Variants in PRTG observed in about 807,000 individuals in gnomAD.
The protein encoded by PRTG is immunoglobulin superfamily, DCC subclass, member 5.
Under a neutral mutation model 122.5 loss-of-function variants are expected in PRTG, and 67 were observed. The observed-to-expected ratio is 0.55, with a 90% CI of 0.45 to 0.67. The LOEUF (loss-of-function observed/expected upper bound fraction) is 0.67. PRTG is among the 30% of genes least tolerant of loss of function. The pLI, the probability that PRTG is intolerant of heterozygous loss-of-function variation, is 0.00. For synonymous variants in PRTG, 554 were observed against 501.1 expected, an observed-to-expected ratio of 1.11 and a Z score of -1.41; for missense variants, 1,435 against 1,415.4, an observed-to-expected ratio of 1.01 and a Z score of -0.22.
chr15:55,726,450 C>T (rs1390422256), intron 2 of PRTG, among the ~76,000 whole-genome samples: 1 of 151,886 alleles, frequency 6.6e-6, no homozygotes, highest in Non-Finnish European at 1.5e-5. Flanking sequence ...TGGTAAGTAA[C>T]CAAGAGAGCT....
intron 18 of PRTG, among the ~76,000 whole-genome samples, chr15:55,621,872 T>C (rs1379192399): frequency 2.0e-5 from 3 of 152,218 alleles, no homozygotes; most frequent in African/African-American, 7.2e-5. Flanking sequence ...ACTATGATAT[T>C]AACAATTATT....
intron 14 of PRTG, among the ~76,000 whole-genome samples, chr15:55,637,794 T>C (rs1023023962): frequency 6.6e-6 from 1 of 152,124 alleles, no homozygotes; most frequent in Non-Finnish European, 1.5e-5. Context: ...AAATTGTGAA[T>C]CAGTGAATTT....
chr15:55,694,031 T>A (rs1399176749), intron 2 of PRTG, among the ~76,000 whole-genome samples: 1 of 152,172 alleles, frequency 6.6e-6, no homozygotes, highest in Non-Finnish European at 1.5e-5. Context: ...TGCATAAAGG[T>A]ATATAAACTA....
chr15:55,667,636 A>T (rs927164143), intron 11 of PRTG, among the ~76,000 whole-genome samples: 1 of 152,204 alleles, frequency 6.6e-6, no homozygotes, highest in Non-Finnish European at 1.5e-5. Context: ...GAAGAAAGTG[A>T]AATACGATAG....
Position 55,627,005 on chromosome 15 carries a change from C to T in PRTG, c.2927+3G>A, listed in dbSNP as rs1281235637. On this transcript the variant is annotated splice_donor_region_variant and intron_variant, in intron 17 of 19. Transcript: ENST00000389286. ...CTCAACATCTCTAGCAATGGAAACA[C>T]ACCTGGCTTTACTTCGGTATATCAA... 3 of 1,601,388 alleles carry T rather than the reference C, an allele frequency of 1.9e-6. No homozygotes were observed. The highest frequency in any genetic ancestry group is 4.5e-5 in the East Asian group (2 of 44,408).
intron 15 of PRTG, among the ~76,000 whole-genome samples, chr15:55,629,371 ATATATG>A (rs1425250040): frequency 0.028 from 970 of 35,246 alleles, 7 homozygotes; most frequent in African/African-American, 0.039. Flanking sequence ...ATATATATAT[ATATATG>A]TGTGTGTGTG....
chr15:55,641,152 A>G lies in PRTG; in HGVS notation c.2098T>C (p.Tyr700His). ...LLAYNNIDDG[Y>H]QADQTVSTPG... ...GTGCTGACAGTCTGATCTGCCTGATAGCCATCGTCTATGTTGTTGTAAGCC... is the reference window on the plus strand; with the variant it reads ...GTGCTGACAGTCTGATCTGCCTGATGGCCATCGTCTATGTTGTTGTAAGCC... The change falls in exon 12 of 20, where the codon TAT becomes CAT. Residue 700 changes from tyrosine to histidine, a missense_variant. Transcript: ENST00000389286. 6.2e-7 allele frequency: 1 copy of G among 1,614,090 alleles called. No homozygotes were observed. The highest frequency in any genetic ancestry group is 8.5e-7 in the Non-Finnish European group (1 of 1,179,954).
chr15:55,627,851 T>C (rs16976434), intron 16 of PRTG, among the ~76,000 whole-genome samples: 11,053 of 152,192 alleles, frequency 0.073, 498 homozygotes, highest in Non-Finnish European at 0.11. Flanking sequence ...TTCATGTGCC[T>C]GTGAGTCACT....
intron 4 of PRTG, chr15:55,681,311 T>C (rs2059536676): frequency 6.6e-6 from 1 of 152,056 alleles, no homozygotes; most frequent in Non-Finnish European, 1.5e-5. Context: ...TTTCTTCTTT[T>C]TTCAGCCTTA....
intron 2 of PRTG, among the ~76,000 whole-genome samples, chr15:55,732,174 G>A (rs1278517079): frequency 2.0e-5 from 3 of 152,144 alleles, no homozygotes; most frequent in Middle Eastern, 3.2e-3. Context: ...TTGTTACACT[G>A]CACATGACTA....
chr15:55,706,375 T>C (rs968066423), intron 2 of PRTG, among the ~76,000 whole-genome samples: 3 of 151,680 alleles, frequency 2.0e-5, no homozygotes, highest in South Asian at 2.1e-4. Context: ...AGGTGGAACA[T>C]GGGTAAAGGC....
chr15:55,675,928 C>A (rs2059500125), intron 8 of PRTG, among the ~76,000 whole-genome samples: 1 of 152,120 alleles, frequency 6.6e-6, no homozygotes, highest in Admixed American at 6.6e-5. Flanking sequence ...CTCTAAACTT[C>A]ATTTACCATC....
chr15:55,630,616 T>A (rs971828047), intron 15 of PRTG, among the ~76,000 whole-genome samples: 1 of 152,216 alleles, frequency 6.6e-6, no homozygotes, highest in African/African-American at 2.4e-5. Context: ...TAAAGGTATT[T>A]TCTCTGTTGC....
Position 55,613,809 on chromosome 15 carries a change from T to G in PRTG, c.*6203A>C, listed in dbSNP as rs1322386833. The G allele has an allele frequency of 6.9e-6, 1 of 144,604 alleles. No individual in the cohort carries two copies. The highest frequency in any genetic ancestry group is 7.1e-5 in the Admixed American group (1 of 14,066). 9.0% of individuals were successfully genotyped at this position (144,604 alleles called of 1,614,324 possible). On this transcript the variant is annotated 3_prime_UTR_variant, in exon 20 of 20. Coordinates refer to ENST00000389286, the MANE Select transcript of PRTG (RefSeq NM_173814.6). ...GCTGAGACAATGTATCATAGTCCTA[T>G]ACACTTCTGAGTAAGGATTAACTAA...
intron 2 of PRTG, among the ~76,000 whole-genome samples, chr15:55,688,787 T>A (rs912842186): frequency 6.6e-6 from 1 of 152,186 alleles, no homozygotes; most frequent in African/African-American, 2.4e-5. Context: ...TGAGCTGAGA[T>A]CGTGCCACTG....
At chr15:55,704,929 G>C (rs942182738) in intron 2 of PRTG, among the ~76,000 whole-genome samples, 1 of 152,116 alleles carries the variant, frequency 6.6e-6, no homozygotes, top group East Asian at 1.9e-4. Context: ...ACAACATAAT[G>C]ATGTCTTTTA....
At chr15:55,740,248 A>C (rs2031564755) in intron 2 of PRTG, 134 bp downstream of exon 2, 2 of 758,050 alleles carry the variant, frequency 2.6e-6, no homozygotes, top group East Asian at 2.6e-5. Flanking sequence ...TATATGCCTC[A>C]GTTAGCATCA....
At chr15:55,679,493 T>C (rs367718496) in intron 6 of PRTG, 48 bp from the exon 7 acceptor site, 47 of 1,451,790 alleles carry the variant, frequency 3.2e-5, no homozygotes, top group Non-Finnish European at 4.3e-5. Flanking sequence ...CTAATAGGAA[T>C]GATGTAAAGG....
chr15:55,634,000 T>C (rs949498542), intron 15 of PRTG, among the ~76,000 whole-genome samples: 2 of 151,948 alleles, frequency 1.3e-5, no homozygotes, highest in African/African-American at 4.8e-5. Flanking sequence ...TACTATTTTC[T>C]GAGCTCTGTT....
Sources: gnomAD v4.1 joint callset for allele counts (sites outside exome capture counted in the v4.1 genomes callset) on GRCh38, gnomAD v4.1.1 for gene constraint, MANE v1.5 for transcripts, NCBI Gene and HGNC (gene_info 2026-07-23, HGNC 2026-07-21) for gene names.